Variants in CDH4 observed in about 807,000 individuals in gnomAD.
The protein encoded by CDH4 is cadherin 4.
A neutral mutation model predicts 86.0 loss-of-function variants in CDH4; 33 were observed. The observed-to-expected ratio is 0.38, with a 90% CI of 0.29 to 0.51. The LOEUF is 0.51. Ranked by LOEUF, CDH4 falls within the 20% of genes least tolerant of loss-of-function variation. CDH4 has a pLI of 0.86. For missense variants in CDH4, 1,114 were observed against 1,307.4 expected (o/e 0.85, Z 2.28); for synonymous variants, 555 against 549.4 (o/e 1.01, Z -0.14).
rs913032445 is a variant in CDH4, at chr20:61,637,125, T to C, written c.170-106438T>C. On this transcript the variant is annotated intron_variant, in intron 2 of 15. Coordinates refer to ENST00000614565, the MANE Select transcript of CDH4 (RefSeq NM_001794.5). ...TGTTTGTTTTTCTTCAAGTTCTGCT[T>C]TTTAACTTTTTATTTTGAAATATGT... 1.3e-5 allele frequency among the ~76,000 whole-genome samples: 2 copies of C among 152,224 alleles called. 1 individual carries two copies. The highest frequency in any genetic ancestry group is 1.3e-4 in the Admixed American group (2 of 15,286).
At chr20:61,443,384 C>A (rs534549934) in intron 2 of CDH4, among the ~76,000 whole-genome samples, 1 of 152,316 alleles carries the variant, frequency 6.6e-6, no homozygotes, top group Admixed American at 6.5e-5. Flanking sequence ...TTATTTAACA[C>A]TGATTAATAA....
At chr20:61,770,134 A>T (rs1245521746) in intron 3 of CDH4, among the ~76,000 whole-genome samples, 1 of 152,170 alleles carries the variant, frequency 6.6e-6, no homozygotes, top group African/African-American at 2.4e-5. Context: ...AAGGCCCCTG[A>T]GGAGCCTAGA....
intron 4 of CDH4, among the ~76,000 whole-genome samples, chr20:61,794,619 G>C (rs779315457): frequency 1.3e-5 from 2 of 152,254 alleles, no homozygotes; most frequent in South Asian, 2.1e-4. Flanking sequence ...GCAGACATGG[G>C]TGGGCACCCA....
At chr20:61,665,800 A>G (rs773835520) in intron 2 of CDH4, among the ~76,000 whole-genome samples, 107 of 152,194 alleles carry the variant, frequency 7.0e-4, no homozygotes, top group Non-Finnish European at 1.4e-3. Flanking sequence ...TGGCTGCTGC[A>G]TGCACAGCGT....
In CDH4 at chr20:61,623,217, C is replaced by T. The variant is rs1036942465; in HGVS notation, c.170-120346C>T. ...TGCCTATGCCAGCCGCTGGCTCACCCCACCTGCCACGCTGCACCCCACTCA... is the reference window on the plus strand; with the variant it reads ...TGCCTATGCCAGCCGCTGGCTCACCTCACCTGCCACGCTGCACCCCACTCA... On this transcript the variant is annotated intron_variant, in intron 2 of 15. Transcript: ENST00000614565. The surrounding 1 kb of genome is among the most constrained non-coding windows in gnomAD (Gnocchi z 4.4). 6.6e-6 allele frequency among the ~76,000 whole-genome samples: 1 copy of T among 152,110 alleles called. No homozygotes were observed. Among genetic ancestry groups the T allele is most frequent in the Non-Finnish European group, 1.5e-5 (1 of 68,022 alleles).
intron 3 of CDH4, among the ~76,000 whole-genome samples, chr20:61,760,768 A>G (rs1202931429): frequency 6.6e-6 from 1 of 152,210 alleles, no homozygotes; most frequent in Admixed American, 6.5e-5. Context: ...TCGCCTTTTT[A>G]TGAGAGATCA....
chr20:61,559,014 A>G (rs1438004080), intron 2 of CDH4, among the ~76,000 whole-genome samples: 1 of 152,214 alleles, frequency 6.6e-6, no homozygotes, highest in Non-Finnish European at 1.5e-5. Flanking sequence ...AAGAAACCTG[A>G]CAGGGAAACA....
intron 2 of CDH4, among the ~76,000 whole-genome samples, chr20:61,318,115 T>C (rs1360657540): frequency 6.6e-6 from 1 of 151,990 alleles, no homozygotes; most frequent in African/African-American, 2.4e-5. Context: ...GTGGGACCCA[T>C]GCGCCCCCAC....
intron 6 of CDH4, among the ~76,000 whole-genome samples, chr20:61,856,970 C>T (rs1044586355): frequency 6.6e-6 from 1 of 151,896 alleles, no homozygotes; most frequent in Admixed American, 6.5e-5. Flanking sequence ...CTTTCTCCTC[C>T]AAGAGATCCT....
At chr20:61,600,446 C>A (rs1286185529) in intron 2 of CDH4, among the ~76,000 whole-genome samples, 1 of 152,190 alleles carries the variant, frequency 6.6e-6, no homozygotes, top group African/African-American at 2.4e-5. Flanking sequence ...TTGAGGGAGT[C>A]ACTCTAGTGG....
intron 5 of CDH4, among the ~76,000 whole-genome samples, chr20:61,847,953 G>A (rs991469827): frequency 6.6e-6 from 1 of 152,300 alleles, no homozygotes; most frequent in Non-Finnish European, 1.5e-5. Context: ...CAACACTGGA[G>A]GGCACATTTC....
chr20:61,800,746 G>A (rs1489506792), intron 4 of CDH4, among the ~76,000 whole-genome samples: 2 of 152,206 alleles, frequency 1.3e-5, no homozygotes, highest in Non-Finnish European at 2.9e-5. Flanking sequence ...ATGGCCTCTT[G>A]GACACACCCC....
At chr20:61,700,847 C>T (rs2087767835) in intron 2 of CDH4, among the ~76,000 whole-genome samples, 1 of 152,244 alleles carries the variant, frequency 6.6e-6, no homozygotes, top group African/African-American at 2.4e-5. Flanking sequence ...GTCTTGCCTT[C>T]AAAGCTGGAG....
chr20:61,864,038 G>T (rs944136780), intron 6 of CDH4, among the ~76,000 whole-genome samples: 67 of 152,250 alleles, frequency 4.4e-4, no homozygotes, highest in African/African-American at 1.6e-3. Flanking sequence ...CAGACATTTT[G>T]TTAAGATGAG....
chr20:61,490,493 G>T (rs2085620109), intron 2 of CDH4, among the ~76,000 whole-genome samples: 1 of 152,186 alleles, frequency 6.6e-6, no homozygotes, highest in African/African-American at 2.4e-5. Context: ...GAGGTCAGGG[G>T]TTCGAGACCA....
chr20:61,904,156 C>G (rs939582172), intron 8 of CDH4, among the ~76,000 whole-genome samples: 6 of 152,180 alleles, frequency 3.9e-5, no homozygotes, highest in Non-Finnish European at 8.8e-5. Flanking sequence ...ACCGAGCTGG[C>G]GGGAGCCGTC....
intron 2 of CDH4, among the ~76,000 whole-genome samples, chr20:61,614,885 T>G (rs2086713284): frequency 6.6e-6 from 1 of 151,832 alleles, no homozygotes; most frequent in Non-Finnish European, 1.5e-5. Flanking sequence ...AGCACCCACT[T>G]TCTCCCAGCA....
At chr20:61,275,666 TG>T (rs1279922933) in intron 2 of CDH4, among the ~76,000 whole-genome samples, 1 of 114,762 alleles carries the variant, frequency 8.7e-6, no homozygotes, top group Non-Finnish European at 1.8e-5. Flanking sequence ...ATGCGCAGTT[TG>T]GGGGGAGTAC....
At chr20:61,461,883 TGCATTCCCAGG>T (rs1481675946) in intron 2 of CDH4, among the ~76,000 whole-genome samples, 7 of 152,180 alleles carry the variant, frequency 4.6e-5, no homozygotes, top group Admixed American at 1.3e-4. Context: ...GAGTGCCGTG[TGCATTCCCAGG>T]GCCACATGAA....
Sources: allele counts gnomAD v4.1 joint callset (sites outside exome capture counted in the v4.1 genomes callset), GRCh38; gene constraint gnomAD v4.1.1; non-coding constraint Gnocchi (gnomAD v3.1); transcripts MANE v1.5; gene names NCBI Gene and HGNC (gene_info 2026-07-23, HGNC 2026-07-21).